ADAM12: variants seen among roughly 807,000 people sequenced by gnomAD.
ADAM12 encodes disintegrin and metalloproteinase domain-containing protein 12.
A neutral mutation model predicts 106.4 loss-of-function variants in ADAM12; 70 were observed. The ratio of observed to expected loss-of-function variants is 0.66; its 90% confidence interval spans 0.54 to 0.80. The LOEUF is 0.80. Among genes scored for constraint, ADAM12 ranks in the 30% least tolerant of loss-of-function variants. The pLI is 0.00. For synonymous variants in ADAM12, 420 were observed against 433.5 expected, an observed-to-expected ratio of 0.97 and a Z score of 0.39; for missense variants, 1,010 against 1,171.9, an observed-to-expected ratio of 0.86 and a Z score of 2.02.
At position 126,036,205 on chromosome 10, in the gene ADAM12, G is replaced by A. The variant is rs750438252; in HGVS notation, c.2470C>T (p.Arg824Cys). The change falls in exon 21 of 23, where the codon CGT (arginine) becomes TGT (cysteine). Residue 824 changes from arginine (R) to cysteine (C), a missense_variant. This residue lies in a region of ADAM12 where 615 missense variants were observed against 708.5 expected (regional missense o/e 0.87). Transcript: ENST00000448723. ...GGTCTGGCAGGGACGCTAGGTGCAC[G>A]TGGAGCCCGGTGGAGGGGAGGAAGC... ...RVLPPLHRAP[R>C]APSVPARPLP... 7.1e-6 allele frequency: 11 copies of A among 1,546,324 alleles called. No individual in the cohort carries two copies. The highest frequency in any genetic ancestry group is 2.8e-5 in the African/African-American group (2 of 70,422).
intron 14 of ADAM12, among the ~76,000 whole-genome samples, chr10:126,051,618 C>T (rs942087964): frequency 2.7e-5 from 4 of 149,704 alleles, no homozygotes; most frequent in African/African-American, 4.9e-5. Context: ...TCCATCCATC[C>T]AGCCAGCCAC....
At chr10:126,289,177 C>G (rs1960029819) in intron 2 of ADAM12, among the ~76,000 whole-genome samples, 1 of 152,210 alleles carries the variant, frequency 6.6e-6, no homozygotes, top group Admixed American at 6.5e-5. Flanking sequence ...CATCATGTTG[C>G]TGAAGTCAGC....
chr10:126,022,953 A>G (rs115861696), intron 21 of ADAM12, among the ~76,000 whole-genome samples: 7 of 152,186 alleles, frequency 4.6e-5, no homozygotes, highest in African/African-American at 1.7e-4. Context: ...GTTTCAAAAC[A>G]ATTTTAAATC....
intron 2 of ADAM12, among the ~76,000 whole-genome samples, chr10:126,315,808 T>C (rs1453044464): frequency 6.6e-6 from 1 of 152,084 alleles, no homozygotes; most frequent in Non-Finnish European, 1.5e-5. Context: ...GATCCAGACA[T>C]GAAAATCGCA....
At chr10:126,036,523 G>A (rs1422130409) in intron 20 of ADAM12, among the ~76,000 whole-genome samples, 198 bp from the exon 21 acceptor site, 2 of 152,160 alleles carry the variant, frequency 1.3e-5, no homozygotes. Flanking sequence ...AGCATCACCT[G>A]CCTCCACCCC....
chr10:126,353,989 A>G (rs746304200), intron 1 of ADAM12, among the ~76,000 whole-genome samples: 6 of 152,224 alleles, frequency 3.9e-5, no homozygotes, highest in Non-Finnish European at 8.8e-5. Context: ...AACCAATTCA[A>G]ACTTGAGATG....
intron 3 of ADAM12, among the ~76,000 whole-genome samples, chr10:126,230,609 ACCT>A (rs2133868071): frequency 6.6e-6 from 1 of 152,258 alleles, no homozygotes; most frequent in East Asian, 1.9e-4. Context: ...GAAAAATATG[ACCT>A]CATTTGAATT....
rs1368465673 is a variant in ADAM12 at position 126,015,639 on chromosome 10, G to A, written c.*1640C>T. The stretch of plus-strand genomic sequence containing the variant: ...TTGCCTAGATACAGTGGGGAACACC[G>A]GGAAAGTGAAATGCAGTTTTGTTTT... On this transcript the variant is annotated 3_prime_UTR_variant, in exon 23 of 23. Transcript: ENST00000448723. 2 of 152,242 alleles carry A rather than the reference G, an allele frequency of 1.3e-5. No individual in the cohort carries two copies. Among genetic ancestry groups the A allele is most frequent in the East Asian group, 1.9e-4 (1 of 5,178 alleles). The allele number at this position is 152,242 out of a possible 1,614,324, so 9.4% of individuals were successfully genotyped here.
chr10:126,198,490 C>G (rs903513740), intron 3 of ADAM12, among the ~76,000 whole-genome samples: 2 of 152,188 alleles, frequency 1.3e-5, no homozygotes, highest in Non-Finnish European at 2.9e-5. Flanking sequence ...GAAATATTTG[C>G]TATCTGGTTT....
At chr10:126,358,981 C>G (rs914832852) in intron 1 of ADAM12, among the ~76,000 whole-genome samples, 2 of 152,176 alleles carry the variant, frequency 1.3e-5, no homozygotes, top group Admixed American at 6.5e-5. Context: ...TTCCACATGG[C>G]TGGGGAAGCC....
intron 1 of ADAM12, among the ~76,000 whole-genome samples, chr10:126,332,011 G>A (rs1405371083): frequency 2.0e-5 from 3 of 152,094 alleles, no homozygotes; most frequent in Non-Finnish European, 4.4e-5. Flanking sequence ...CCTGTCGCTT[G>A]AGCCCATGCC....
At chr10:126,263,337 T>C (rs922721002) in intron 3 of ADAM12, among the ~76,000 whole-genome samples, 1 of 152,188 alleles carries the variant, frequency 6.6e-6, no homozygotes, top group African/African-American at 2.4e-5. Context: ...CTTCAGATTA[T>C]AGATGAGAGA....
chr10:126,212,026 G>C (rs1476312357), intron 3 of ADAM12, among the ~76,000 whole-genome samples: 1 of 152,220 alleles, frequency 6.6e-6, no homozygotes, highest in Non-Finnish European at 1.5e-5. Context: ...GACTTACCTG[G>C]GGTTTCATCA....
At chr10:126,034,343 C>T (rs1250506498) in intron 21 of ADAM12, among the ~76,000 whole-genome samples, 1 of 152,012 alleles carries the variant, frequency 6.6e-6, no homozygotes, top group East Asian at 1.9e-4. Flanking sequence ...CATAGGAAAA[C>T]CCCACATAAC....
intron 4 of ADAM12, among the ~76,000 whole-genome samples, chr10:126,146,862 A>G (rs905997863): frequency 2.0e-5 from 3 of 152,140 alleles, no homozygotes; most frequent in Admixed American, 6.5e-5. Flanking sequence ...CACTTGATAC[A>G]CTTATGAGAT....
At chr10:126,107,614 C>T (rs1417806807) in intron 8 of ADAM12, among the ~76,000 whole-genome samples, 1 of 152,198 alleles carries the variant, frequency 6.6e-6, no homozygotes, top group Admixed American at 6.5e-5. Context: ...GTGAAAGGCT[C>T]AGCCATGACC....
In ADAM12 at chr10:126,262,963, T is replaced by A. The variant is rs984562020; in HGVS notation, c.260+15952A>T. Among the ~76,000 whole-genome samples the A allele has an allele frequency of 2.6e-5, 4 of 152,202 alleles. No homozygotes were observed. The South Asian group carries it at 8.3e-4, about 31-fold the overall frequency. On this transcript the variant is annotated intron_variant, in intron 3 of 22. Coordinates refer to ENST00000448723, the MANE Select transcript of ADAM12 (RefSeq NM_001288973.2). ...CAGACATTTAAATCTCCCAACAAAA[T>A]GGACTGCTCTGGGCACTGAGATGCA...
intron 4 of ADAM12, among the ~76,000 whole-genome samples, chr10:126,148,344 T>C (rs1031013147): frequency 3.3e-5 from 5 of 152,200 alleles, no homozygotes; most frequent in South Asian, 2.1e-4. Context: ...GCAAATTTCT[T>C]TTTGTTTTCC....
chr10:126,123,311 G>C (rs895002848), intron 5 of ADAM12, among the ~76,000 whole-genome samples: 1 of 152,218 alleles, frequency 6.6e-6, no homozygotes. Flanking sequence ...CAGATATTTA[G>C]TTGTAAACCT....
Sources: gnomAD v4.1 joint callset for allele counts (sites outside exome capture counted in the v4.1 genomes callset) on GRCh38, gnomAD v4.1.1 for gene constraint, gnomAD v4.1.1 regional missense constraint, MANE v1.5 for transcripts, NCBI Gene and HGNC (gene_info 2026-07-23, HGNC 2026-07-21) for gene names.